Variants in RNF13 observed in about 807,000 individuals in gnomAD.
RNF13 encodes ring finger protein 13.
RNF13 carries 19 observed loss-of-function variants against 37.7 expected under a neutral mutation model. The observed-to-expected ratio is 0.50, with a 90% CI of 0.35 to 0.74. The LOEUF (loss-of-function observed/expected upper bound fraction) is 0.74, where lower values mean the gene tolerates loss of function less well. RNF13 is among the 30% of genes least tolerant of loss of function. RNF13 has a pLI of 0.01. For synonymous variants in RNF13, 144 were observed against 157.8 expected (o/e 0.91, Z 0.65); for missense variants, 375 against 453.0 (o/e 0.83, Z 1.56).
chr3:149,899,390 A>C (rs923356676), intron 5 of RNF13, among the ~76,000 whole-genome samples: 1 of 152,206 alleles, frequency 6.6e-6, no homozygotes, highest in African/African-American at 2.4e-5. Flanking sequence ...CGGAGGGTGC[A>C]GTGAGCCGAG....
chr3:149,905,393 A>G (rs947825537), intron 6 of RNF13, among the ~76,000 whole-genome samples: 4 of 151,840 alleles, frequency 2.6e-5, no homozygotes, highest in African/African-American at 9.7e-5. Flanking sequence ...ATCTTTTATG[A>G]GCTGTTTACC....
chr3:149,934,170 A>G (rs924478362), intron 8 of RNF13, among the ~76,000 whole-genome samples: 3 of 152,134 alleles, frequency 2.0e-5, no homozygotes, highest in African/African-American at 7.2e-5. Flanking sequence ...TTGGCATATA[A>G]TTATTCATAA....
intron 8 of RNF13, among the ~76,000 whole-genome samples, chr3:149,940,959 G>GCC: frequency 6.6e-6 from 1 of 152,044 alleles, no homozygotes; most frequent in Non-Finnish European, 1.5e-5. Flanking sequence ...TTGTCCTTTT[G>GCC]CAACTGGCAT....
intron 8 of RNF13, among the ~76,000 whole-genome samples, chr3:149,923,413 C>G (rs144187378): frequency 0.011 from 1,742 of 152,068 alleles, 22 homozygotes; most frequent in Middle Eastern, 0.02. Flanking sequence ...TCCACATAGA[C>G]CAGAACTAGT....
At chr3:149,881,312 C>T (rs1257970577) in intron 4 of RNF13, among the ~76,000 whole-genome samples, 1 of 151,786 alleles carries the variant, frequency 6.6e-6, no homozygotes, top group African/African-American at 2.4e-5. Context: ...AAAATGATGC[C>T]ATTGGAAAAA....
chr3:149,841,892 AGT>A (rs1722216451), intron 1 of RNF13, among the ~76,000 whole-genome samples: 1 of 152,144 alleles, frequency 6.6e-6, no homozygotes, highest in Non-Finnish European at 1.5e-5. Context: ...GGCCTCCCAA[AGT>A]GTTAGGATTA....
At chr3:149,885,260 G>A (rs1265790771) in intron 4 of RNF13, among the ~76,000 whole-genome samples, 1 of 152,012 alleles carries the variant, frequency 6.6e-6, no homozygotes, top group East Asian at 1.9e-4. Context: ...TGAGGTTGCT[G>A]GATCATATGG....
intron 1 of RNF13, among the ~76,000 whole-genome samples, chr3:149,835,501 T>C (rs1184508377): frequency 6.6e-6 from 1 of 152,152 alleles, no homozygotes. Context: ...TAGCTCCCAC[T>C]AACGAGTGAG....
intron 4 of RNF13, among the ~76,000 whole-genome samples, chr3:149,875,403 T>G (rs1265364979): frequency 6.6e-6 from 1 of 152,322 alleles, no homozygotes; most frequent in Middle Eastern, 3.4e-3. Context: ...TTTAGTTTTG[T>G]TTTAAACAGA....
At chr3:149,927,262 T>C (rs1268756329) in intron 8 of RNF13, among the ~76,000 whole-genome samples, 1 of 152,234 alleles carries the variant, frequency 6.6e-6, no homozygotes, top group Non-Finnish European at 1.5e-5. Context: ...TTCTGACTTA[T>C]TTCACTTCCC....
intron 4 of RNF13, among the ~76,000 whole-genome samples, chr3:149,872,587 C>T (rs183097943): frequency 3.0e-4 from 45 of 152,312 alleles, no homozygotes; most frequent in Non-Finnish European, 5.7e-4. Flanking sequence ...TACCCACCTC[C>T]GTCACCATAT....
At chr3:149,939,895 A>T in intron 8 of RNF13, 1 of 334,424 alleles carries the variant, frequency 3.0e-6, no homozygotes, top group Non-Finnish European at 5.7e-6. Flanking sequence ...ACACCAGGGT[A>T]TGTGTCTTCA....
chr3:149,825,882 AATGAAC>A (rs2108324049), intron 1 of RNF13, among the ~76,000 whole-genome samples: 1 of 152,362 alleles, frequency 6.6e-6, no homozygotes, highest in Admixed American at 6.5e-5. Context: ...TAATGAAGTT[AATGAAC>A]ATATTCATCA....
At chr3:149,951,820 T>C (rs1257984515) in intron 8 of RNF13, among the ~76,000 whole-genome samples, 3 of 152,230 alleles carry the variant, frequency 2.0e-5, no homozygotes, top group Non-Finnish European at 4.4e-5. Flanking sequence ...GTCTACTTTA[T>C]GGATAAGGAA....
At chr3:149,942,888 TTGAG>T (rs1223009733) in intron 8 of RNF13, among the ~76,000 whole-genome samples, 2 of 152,194 alleles carry the variant, frequency 1.3e-5, no homozygotes, top group African/African-American at 2.4e-5. Flanking sequence ...TCCTAGTTTA[TTGAG>T]TATTTGTGTC....
intron 4 of RNF13, among the ~76,000 whole-genome samples, chr3:149,891,259 G>C (rs184994218): frequency 8.5e-5 from 13 of 152,262 alleles, no homozygotes; most frequent in Admixed American, 4.6e-4. Context: ...GAATATTAGA[G>C]ATAACATGTA....
chr3:149,864,998 A>C (rs1050641756), intron 3 of RNF13, among the ~76,000 whole-genome samples: 44 of 152,236 alleles, frequency 2.9e-4, no homozygotes, highest in African/African-American at 9.4e-4. Flanking sequence ...ATATTTATTA[A>C]TTTATATGTA....
intron 6 of RNF13, among the ~76,000 whole-genome samples, chr3:149,911,511 T>C (rs1716994507): frequency 6.6e-6 from 1 of 151,848 alleles, no homozygotes; most frequent in African/African-American, 2.4e-5. Context: ...ATACAAAAAT[T>C]AGCAGGGTAT....
intron 8 of RNF13, among the ~76,000 whole-genome samples, chr3:149,922,078 A>G (rs1718188602): frequency 6.6e-6 from 1 of 151,750 alleles, no homozygotes; most frequent in Non-Finnish European, 1.5e-5. Context: ...GGTTCAAGAG[A>G]TTCTCCTGCC....
Sources: allele counts gnomAD v4.1 joint callset (sites outside exome capture counted in the v4.1 genomes callset), GRCh38; gene constraint gnomAD v4.1.1; transcripts MANE v1.5; gene names NCBI Gene and HGNC (gene_info 2026-07-23, HGNC 2026-07-21).